MAL: variants seen among roughly 807,000 people sequenced by gnomAD.
MAL encodes the protein mal, T cell differentiation protein (MAL blood group), also known as myelin and lymphocyte protein.
MAL carries 5 observed loss-of-function variants against 16.7 expected under a neutral mutation model. That is an observed-to-expected ratio of 0.30 (90% CI 0.16 to 0.63). The LOEUF is 0.63. MAL is among the 30% of genes least tolerant of loss of function. MAL has a pLI of 0.82. For synonymous variants in MAL, 96 were observed against 85.5 expected (o/e 1.12, Z -0.67); for missense variants, 202 against 195.8 (o/e 1.03, Z -0.19).
chr2:95,025,895 T>A lies in MAL; in HGVS notation c.93+10T>A. 6.5e-7 allele frequency: 1 copy of A among 1,548,328 alleles called. No individual in the cohort carries two copies. Among genetic ancestry groups the A allele is most frequent in the Non-Finnish European group, 8.7e-7 (1 of 1,146,318 alleles). On this transcript the variant is annotated intron_variant, in intron 1 of 3. Transcript: ENST00000309988. The surrounding 1 kb of genome is among the most constrained non-coding windows in gnomAD (Gnocchi z 5.6). ...CTTCATCTTTGAGTTTGTGAGTGGC[T>A]CCTGGCCGGGGAAGGGACGGGGTGG...
intron 1 of MAL, among the ~76,000 whole-genome samples, chr2:95,041,295 C>A (rs1034983744): frequency 1.3e-5 from 2 of 152,144 alleles, no homozygotes. Flanking sequence ...ATCTTAGTGC[C>A]CTTTGTGCTT....
intron 1 of MAL, among the ~76,000 whole-genome samples, chr2:95,046,922 G>A (rs1674600495): frequency 6.9e-6 from 1 of 144,734 alleles, no homozygotes; most frequent in African/African-American, 2.6e-5. Context: ...GAGAGAGAAA[G>A]AAAGAGAGAA....
At position 95,025,756 on chromosome 2, in the gene MAL, G is replaced by T; in HGVS notation, c.-37G>T. On this transcript the variant is annotated 5_prime_UTR_variant, in exon 1 of 4. Coordinates refer to ENST00000309988, the MANE Select transcript of MAL (RefSeq NM_002371.4). This position sits in a 1 kb window ranked among gnomAD's most constrained non-coding sequence, Gnocchi z 5.6. ...GAGGTCTGCGCGGAGTCTGAGCGGC[G>T]CTCGTCCCGTCCCAAGGCCGACGCC... The T allele has an allele frequency of 6.9e-7, 1 of 1,444,188 alleles. No individual in the cohort carries two copies. 89.5% of individuals were successfully genotyped at this position (1,444,188 alleles called of 1,614,324 possible). A position where few individuals can be genotyped will look rare whatever the true frequency, so the allele number is the denominator to read the frequency against.
chr2:95,037,328 CTGAGTGAGTGACTGAGTGGG>C (rs1490533471), intron 1 of MAL, among the ~76,000 whole-genome samples: 4 of 106,380 alleles, frequency 3.8e-5, no homozygotes, highest in African/African-American at 7.4e-5. Context: ...GAGTGAGTGG[CTGAGTGAGTGACTGAGTGGG>C]TGAGTGAGTG....
chr2:95,037,036 AGTGG>A (rs1674233631), intron 1 of MAL, among the ~76,000 whole-genome samples: 2 of 151,274 alleles, frequency 1.3e-5, no homozygotes, highest in African/African-American at 4.9e-5. Flanking sequence ...TGAGTGACTG[AGTGG>A]GTGAGTGAGT....
At chr2:95,048,158 A>AG (rs751633293) in intron 2 of MAL, 32 bp downstream of exon 2, 7 of 1,573,644 alleles carry the variant, frequency 4.4e-6, no homozygotes, top group South Asian at 2.2e-5. Flanking sequence ...TGCTGGTTGT[A>AG]GGGGGGCGCA....
chr2:95,045,880 T>C (rs1674574819), intron 1 of MAL, among the ~76,000 whole-genome samples: 1 of 152,204 alleles, frequency 6.6e-6, no homozygotes, highest in Non-Finnish European at 1.5e-5. Flanking sequence ...TACACACACA[T>C]CTTATTCCAT....
At chr2:95,032,797 G>A (rs1404731738) in intron 1 of MAL, among the ~76,000 whole-genome samples, 1 of 152,206 alleles carries the variant, frequency 6.6e-6, no homozygotes, top group African/African-American at 2.4e-5. Context: ...CCTTCTTGGG[G>A]TCATGAACGT....
At chr2:95,027,563 G>C (rs962346885) in intron 1 of MAL, among the ~76,000 whole-genome samples, 4 of 152,200 alleles carry the variant, frequency 2.6e-5, no homozygotes, top group African/African-American at 9.7e-5. Flanking sequence ...AGGTGCCTGG[G>C]AGAGAAGAGG....
At chr2:95,045,361 T>C (rs1331801201) in intron 1 of MAL, among the ~76,000 whole-genome samples, 24 of 152,158 alleles carry the variant, frequency 1.6e-4, no homozygotes, top group Non-Finnish European at 3.1e-4. Flanking sequence ...GGTTCATAAG[T>C]GGCTCTAGTT....
intron 1 of MAL, among the ~76,000 whole-genome samples, chr2:95,041,113 T>A (rs538542817): frequency 6.6e-6 from 1 of 152,296 alleles, no homozygotes; most frequent in African/African-American, 2.4e-5. Context: ...GAGCAAGCCC[T>A]CTGCATTGCC....
intron 1 of MAL, among the ~76,000 whole-genome samples, chr2:95,046,659 A>T (rs1260002334): frequency 1.3e-5 from 2 of 152,018 alleles, no homozygotes; most frequent in Admixed American, 6.5e-5. Context: ...ACTGGGGTGT[A>T]TTCTGGATAA....
At chr2:95,048,911 G>A (rs1015056488) in intron 2 of MAL, among the ~76,000 whole-genome samples, 1 of 152,166 alleles carries the variant, frequency 6.6e-6, no homozygotes, top group Non-Finnish European at 1.5e-5. Context: ...CAACCTCCCA[G>A]GCTCAAGTGA....
At chr2:95,047,850 C>A in intron 1 of MAL, 109 bp from the exon 2 acceptor site, 1 of 1,068,614 alleles carries the variant, frequency 9.4e-7, no homozygotes, top group Non-Finnish European at 1.3e-6. Context: ...TCTTTGCCTG[C>A]TTCCTGTGTT....
intron 2 of MAL, 55 bp downstream of exon 2, chr2:95,048,181 C>T (rs2104359544): frequency 6.6e-7 from 1 of 1,521,816 alleles, no homozygotes; most frequent in South Asian, 1.1e-5. Context: ...AAGTACTGGT[C>T]CCTGGCCCAG....
intron 1 of MAL, among the ~76,000 whole-genome samples, chr2:95,046,296 C>T (rs959152299): frequency 2.0e-5 from 3 of 152,158 alleles, no homozygotes; most frequent in African/African-American, 7.2e-5. Context: ...TTCTGTAGTA[C>T]CTTGGAGACT....
chr2:95,025,926 G>C lies in MAL; in HGVS notation c.93+41G>C. 1 of 1,495,628 alleles carries C rather than the reference G, an allele frequency of 6.7e-7. No individual in the cohort carries two copies. The highest frequency in any genetic ancestry group is 9.0e-7 in the Non-Finnish European group (1 of 1,110,178). The allele number at this position is 1,495,628 out of a possible 1,614,324, so 92.6% of individuals were successfully genotyped here. On this transcript the variant is annotated intron_variant, in intron 1 of 3. Coordinates refer to ENST00000309988, the MANE Select transcript of MAL (RefSeq NM_002371.4). This position sits in a 1 kb window ranked among gnomAD's most constrained non-coding sequence, Gnocchi z 5.6. ...CCGGGGAAGGGACGGGGTGGGCTGA[G>C]CCGTGCGCTCTCTCGGGCGCCCAGC...
intron 1 of MAL, among the ~76,000 whole-genome samples, chr2:95,042,872 G>A (rs577166355): frequency 6.6e-6 from 1 of 152,302 alleles, no homozygotes; most frequent in East Asian, 1.9e-4. Flanking sequence ...CTGTGCCCAG[G>A]AGTGCCTTAA....
intron 1 of MAL, among the ~76,000 whole-genome samples, chr2:95,047,523 C>A (rs1268634523): frequency 1.3e-5 from 2 of 152,164 alleles, no homozygotes; most frequent in Non-Finnish European, 2.9e-5. Flanking sequence ...GAGTTCAAGA[C>A]CAGCCTGGCC....
Sources: allele counts gnomAD v4.1 joint callset (sites outside exome capture counted in the v4.1 genomes callset), GRCh38; gene constraint gnomAD v4.1.1; non-coding constraint Gnocchi (gnomAD v3.1); transcripts MANE v1.5; gene names NCBI Gene and HGNC (gene_info 2026-07-23, HGNC 2026-07-21).